Variants in SHPK observed in about 807,000 individuals in gnomAD.
The protein encoded by SHPK is sedoheptulokinase.
A neutral mutation model predicts 46.3 loss-of-function variants in SHPK; 51 were observed. The observed-to-expected ratio is 1.10, with a 90% CI of 0.88 to 1.39. The LOEUF is 1.39. SHPK is among the 40% of genes most tolerant of loss of function. The probability of loss-of-function intolerance (pLI) is 0.00; values close to 1 mark genes in which losing one functional copy is unlikely to be tolerated. For synonymous variants in SHPK, 290 were observed against 273.9 expected, an observed-to-expected ratio of 1.06 and a Z score of -0.58; for missense variants, 668 against 641.3, an observed-to-expected ratio of 1.04 and a Z score of -0.45.
intron 6 of SHPK, 72 bp downstream of exon 6, chr17:3,615,265 C>G: frequency 2.7e-6 from 4 of 1,481,988 alleles, no homozygotes; most frequent in Non-Finnish European, 3.8e-6. Flanking sequence ...CATGAAGCTC[C>G]GTGAAGCTCC....
At chr17:3,620,134 G>A (rs1024818743) in intron 5 of SHPK, among the ~76,000 whole-genome samples, 4 of 152,116 alleles carry the variant, frequency 2.6e-5, no homozygotes, top group African/African-American at 4.8e-5. Flanking sequence ...GGCATGATCC[G>A]CAAAGCCGAA....
intron 5 of SHPK, chr17:3,619,342 T>C (rs1464069905): frequency 1.6e-5 from 21 of 1,309,218 alleles, no homozygotes; most frequent in Non-Finnish European, 2.2e-5. Flanking sequence ...GTGAGAGTTA[T>C]CTGGACCTTG....
At chr17:3,616,431 A>G (rs1345138455) in intron 5 of SHPK, among the ~76,000 whole-genome samples, 1 of 152,144 alleles carries the variant, frequency 6.6e-6, no homozygotes, top group East Asian at 1.9e-4. Flanking sequence ...GTGGGCTCAG[A>G]GGCAGATCCT....
In SHPK at chr17:3,610,561, TAA is replaced by T; in HGVS notation, c.1434_1435del (p.Ter479AspfsTer15). On this transcript the variant is annotated frameshift_variant and stop_lost, in exon 7 of 7. Transcript: ENST00000225519. LOFTEE classifies it high-confidence loss of function. ...TCGTTTGGCGAAAGAGTTTGCTGTC[TAA>T]GATTCCTTCTGGTTGAGGTGTCTCC... 1.3e-6 allele frequency: 2 copies of T among 1,596,252 alleles called. No individual in the cohort carries two copies. Among genetic ancestry groups the T allele is most frequent in the South Asian group, 2.2e-5 (2 of 90,404 alleles).
At chr17:3,632,971 C>CTTT (rs34873037) in intron 1 of SHPK, among the ~76,000 whole-genome samples, 16 of 81,726 alleles carry the variant, frequency 2.0e-4, no homozygotes, top group Non-Finnish European at 2.6e-4. Context: ...GCAGATATTA[C>CTTT]TTTTTTTTTT....
At chr17:3,619,021 C>G (rs1367694321) in intron 5 of SHPK, among the ~76,000 whole-genome samples, 2 of 136,596 alleles carry the variant, frequency 1.5e-5, no homozygotes, top group African/African-American at 2.8e-5. Context: ...TACAATCCCA[C>G]TAGCATGTTC....
At chr17:3,612,105 G>C (rs1326790295) in intron 6 of SHPK, among the ~76,000 whole-genome samples, 1 of 149,844 alleles carries the variant, frequency 6.7e-6, no homozygotes, top group African/African-American at 2.4e-5. Context: ...TGCCCCGCCA[G>C]CTCTGCATTC....
At chr17:3,615,122 C>T (rs1250584669) in intron 6 of SHPK, among the ~76,000 whole-genome samples, 2 of 151,890 alleles carry the variant, frequency 1.3e-5, no homozygotes, top group Admixed American at 1.3e-4. Flanking sequence ...GTGCCTGACC[C>T]AAAGAAAAGA....
intron 6 of SHPK, among the ~76,000 whole-genome samples, 164 bp downstream of exon 6, chr17:3,615,173 G>A (rs2075364634): frequency 1.3e-5 from 2 of 152,308 alleles, no homozygotes; most frequent in African/African-American, 4.8e-5. Flanking sequence ...AAAAGAGGCT[G>A]CAAGCTCAGA....
At position 3,630,266 on chromosome 17, in the gene SHPK, G is replaced by A. The variant is rs767681997; in HGVS notation, c.249C>T (p.Ser83=). 42 of 1,613,616 alleles carry A rather than the reference G, an allele frequency of 2.6e-5. 1 individual carries two copies. Among genetic ancestry groups the A allele is most frequent in the South Asian group, 2.1e-4 (19 of 91,088 alleles). The change falls in exon 2 of 7, where the codon AGC becomes AGT. Residue 83 remains serine, a synonymous_variant. Coordinates refer to ENST00000225519, the MANE Select transcript of SHPK (RefSeq NM_013276.4). The part of the protein sequence containing the change: ...LAALPRPQLR[S]VVGIGVSGQM... ...GGCCCGACACCCCGATGCCCACGAC[G>A]CTCCGGAGCTGGGGTCGGGGAAGGG...
At chr17:3,635,667 G>A (rs2075516109) in intron 1 of SHPK, among the ~76,000 whole-genome samples, 1 of 152,210 alleles carries the variant, frequency 6.6e-6, no homozygotes, top group African/African-American at 2.4e-5. Flanking sequence ...CTGAACTTGA[G>A]GTCACAGGGC....
chr17:3,610,680 CA>C lies in SHPK; in HGVS notation c.1316del (p.Val439GlyfsTer2). 1 of 1,614,130 alleles carries C rather than the reference CA, an allele frequency of 6.2e-7. No homozygotes were observed. Among genetic ancestry groups the C allele is most frequent in the Non-Finnish European group, 8.5e-7 (1 of 1,180,038 alleles). Reference protein sequence around the residue: ...GSGSALSRNDVLKQEVQRAFP... With the variant: ...GSGSALSRNDXLKQEVQRAFP... ...AAGCCCTCTGCACCTCCTGCTTCAG[CA>C]CGTCATTCCTGGACAGCGCACTCCC... On this transcript the variant is annotated frameshift_variant, in exon 7 of 7. Transcript: ENST00000225519. LOFTEE classifies it high-confidence loss of function.
intron 5 of SHPK, among the ~76,000 whole-genome samples, chr17:3,618,285 T>C (rs917247852): frequency 6.6e-6 from 1 of 151,956 alleles, no homozygotes; most frequent in Admixed American, 6.6e-5. Flanking sequence ...TTTTGTATTT[T>C]TAGTAGAGAT....
chr17:3,627,441 AG>A (rs1334484059), intron 2 of SHPK, among the ~76,000 whole-genome samples: 1 of 152,062 alleles, frequency 6.6e-6, no homozygotes. Flanking sequence ...TGGAAGGTAG[AG>A]GCTGCATTCC....
At chr17:3,632,330 T>G (rs2075477835) in intron 1 of SHPK, among the ~76,000 whole-genome samples, 1 of 152,192 alleles carries the variant, frequency 6.6e-6, no homozygotes, top group South Asian at 2.1e-4. Flanking sequence ...ACGCCTATAA[T>G]CGCAGCCACT....
intron 2 of SHPK, among the ~76,000 whole-genome samples, chr17:3,625,782 G>A (rs745498192): frequency 1.3e-5 from 2 of 152,236 alleles, no homozygotes; most frequent in Non-Finnish European, 2.9e-5. Flanking sequence ...GTCAGGCACG[G>A]TGGCTCACGC....
At chr17:3,615,624 G>A in intron 5 of SHPK, 87 bp from the exon 6 acceptor site, 1 of 1,185,644 alleles carries the variant, frequency 8.4e-7, no homozygotes, top group Admixed American at 2.0e-5. Flanking sequence ...GGGGTGGCCT[G>A]TCGGGTTAAC....
At chr17:3,616,486 T>C (rs2075372276) in intron 5 of SHPK, among the ~76,000 whole-genome samples, 2 of 152,118 alleles carry the variant, frequency 1.3e-5, no homozygotes, top group Admixed American at 6.6e-5. Context: ...CCAGAGTGAA[T>C]GCAACCTCAC....
In SHPK at chr17:3,615,303, C is replaced by T. The variant is rs537928040; in HGVS notation, c.1024+34G>A. ...GACCCTGCCGGGTAGAAAGGACAGG[C>T]AGAGAACACAGCGCTGTGTGGGCCA... On this transcript the variant is annotated intron_variant, in intron 6 of 6. Transcript: ENST00000225519. 1.3e-5 allele frequency: 21 copies of T among 1,604,732 alleles called. No homozygotes were observed. In the South Asian group the frequency reaches 2.1e-4, roughly 16 times the overall value.
Sources: gnomAD v4.1 joint callset for allele counts (sites outside exome capture counted in the v4.1 genomes callset) on GRCh38, gnomAD v4.1.1 for gene constraint, MANE v1.5 for transcripts, NCBI Gene and HGNC (gene_info 2026-07-23, HGNC 2026-07-21) for gene names.